Variants in KCNQ5 observed in about 807,000 individuals in gnomAD.
KCNQ5 encodes the protein potassium voltage-gated channel subfamily Q member 5.
A neutral mutation model predicts 98.2 loss-of-function variants in KCNQ5; 30 were observed. That is an observed-to-expected ratio of 0.31 (90% CI 0.23 to 0.41). The LOEUF is 0.41. KCNQ5 is among the 10% of genes least tolerant of loss of function. The pLI, the probability that KCNQ5 is intolerant of heterozygous loss-of-function variation, is 1.00. For missense variants in KCNQ5, 835 were observed against 1,182.5 expected (o/e 0.71, Z 4.31); for synonymous variants, 458 against 449.4 (o/e 1.02, Z -0.24).
At chr6:72,994,016 T>G (rs1345527974) in intron 1 of KCNQ5, among the ~76,000 whole-genome samples, 1 of 62,972 alleles carries the variant, frequency 1.6e-5, no homozygotes, top group Admixed American at 1.9e-4. Flanking sequence ...AGTCTGCCCG[T>G]TCTCAGATCT....
At chr6:73,058,266 G>C (rs1400017388) in intron 3 of KCNQ5, among the ~76,000 whole-genome samples, 2 of 152,106 alleles carry the variant, frequency 1.3e-5, no homozygotes, top group African/African-American at 2.4e-5. Context: ...CAAAAAATTA[G>C]CTGGGCGAGG....
At chr6:72,891,358 A>C (rs1336406688) in intron 1 of KCNQ5, among the ~76,000 whole-genome samples, 1 of 152,232 alleles carries the variant, frequency 6.6e-6, no homozygotes, top group African/African-American at 2.4e-5. Context: ...TGGTTGGATG[A>C]ACATACTCAA....
chr6:72,684,591 T>A (rs73535770), intron 1 of KCNQ5, among the ~76,000 whole-genome samples: 8,047 of 152,238 alleles, frequency 0.053, 235 homozygotes, highest in Middle Eastern at 0.13. Context: ...CCAAAATAGG[T>A]ACAATGGTCT....
At chr6:72,911,289 G>A (rs956614369) in intron 1 of KCNQ5, among the ~76,000 whole-genome samples, 1 of 152,114 alleles carries the variant, frequency 6.6e-6, no homozygotes, top group African/African-American at 2.4e-5. Context: ...AGCCATTAGG[G>A]TGGAGCCCTG....
intron 1 of KCNQ5, among the ~76,000 whole-genome samples, chr6:72,813,196 A>G (rs1183562549): frequency 1.3e-5 from 2 of 152,192 alleles, no homozygotes; most frequent in Admixed American, 1.3e-4. Context: ...GAACAGTGAG[A>G]AATATATATT....
intron 1 of KCNQ5, among the ~76,000 whole-genome samples, chr6:72,699,111 G>C (rs1768667145): frequency 6.6e-6 from 1 of 152,112 alleles, no homozygotes; most frequent in Admixed American, 6.5e-5. Flanking sequence ...TTATAGATAA[G>C]GATGGCACTT....
At chr6:72,871,863 A>T (rs1778220698) in intron 1 of KCNQ5, among the ~76,000 whole-genome samples, 1 of 152,188 alleles carries the variant, frequency 6.6e-6, no homozygotes, top group Non-Finnish European at 1.5e-5. Context: ...ATTCATCTGT[A>T]ACCTCATATT....
At chr6:72,996,912 G>A (rs1309613020) in intron 1 of KCNQ5, among the ~76,000 whole-genome samples, 1 of 152,152 alleles carries the variant, frequency 6.6e-6, no homozygotes, top group Non-Finnish European at 1.5e-5. Context: ...AAGACCAACA[G>A]GGAAGTCATG....
intron 1 of KCNQ5, among the ~76,000 whole-genome samples, chr6:72,820,747 T>C (rs1775714889): frequency 1.3e-5 from 2 of 152,166 alleles, no homozygotes; most frequent in South Asian, 4.1e-4. Context: ...TAATGAAATG[T>C]ATCATTTCCC....
intron 2 of KCNQ5, among the ~76,000 whole-genome samples, chr6:73,021,966 C>A (rs1003569845): frequency 6.6e-6 from 1 of 151,894 alleles, no homozygotes; most frequent in African/African-American, 2.4e-5. Flanking sequence ...GCTAATCAAT[C>A]ATTTATGTTA....
intron 1 of KCNQ5, among the ~76,000 whole-genome samples, chr6:72,988,357 A>G (rs1418246089): frequency 2.0e-5 from 3 of 152,226 alleles, no homozygotes; most frequent in Non-Finnish European, 4.4e-5. Context: ...CTTTGTCCCA[A>G]CATGGATGAA....
At chr6:72,868,860 G>A (rs1038238848) in intron 1 of KCNQ5, among the ~76,000 whole-genome samples, 1 of 152,200 alleles carries the variant, frequency 6.6e-6, no homozygotes. Flanking sequence ...AGGGACTGGG[G>A]ATAAAGTGGG....
chr6:72,963,175 A>AT lies in KCNQ5; in HGVS notation c.399-40732dup, dbSNP rs145287733. Among the ~76,000 whole-genome samples the AT allele has an allele frequency of 4.0e-3, 606 of 152,352 alleles. 5 individuals are homozygous for AT. Among genetic ancestry groups the AT allele is most frequent in the African/African-American group, 0.014 (569 of 41,594 alleles). ...GAGTGAGTTTCCTTTGAAGGCAGTGATAAGAGTTTAAACTTCAGGTCTAAA... is the reference window on the plus strand; with the variant it reads ...GAGTGAGTTTCCTTTGAAGGCAGTGATTAAGAGTTTAAACTTCAGGTCTAAA... On this transcript the variant is annotated intron_variant, in intron 1 of 13. Transcript: ENST00000370398.
intron 10 of KCNQ5, among the ~76,000 whole-genome samples, chr6:73,152,038 CTG>C (rs1375885998): frequency 6.6e-6 from 1 of 152,166 alleles, no homozygotes; most frequent in East Asian, 1.9e-4. Flanking sequence ...TTGCGTCTCT[CTG>C]TGTCACCCTG....
Position 73,055,134 on chromosome 6 carries a change from AGAGT to A in KCNQ5, c.616+13078_616+13081del. On this transcript the variant is annotated intron_variant, in intron 3 of 13. Coordinates refer to ENST00000370398, the MANE Select transcript of KCNQ5 (RefSeq NM_019842.4). ...AAACTGGTGCAGATCCAGCACAGCG[AGAGT>A]GAGTGGAACCTGGAGAACCACTTCA... 5.2e-6 allele frequency: 4 copies of A among 766,856 alleles called. No individual in the cohort carries two copies. The South Asian group carries it at 5.4e-5, about 10-fold the overall frequency. 47.5% of individuals were successfully genotyped at this position (766,856 alleles called of 1,614,324 possible). A position where few individuals can be genotyped will look rare whatever the true frequency, so the allele number is the denominator to read the frequency against.
At chr6:73,173,841 C>T (rs1290960634) in intron 11 of KCNQ5, among the ~76,000 whole-genome samples, 4 of 151,410 alleles carry the variant, frequency 2.6e-5, no homozygotes, top group African/African-American at 9.7e-5. Context: ...AAGTCATATA[C>T]AACTGCATAT....
intron 1 of KCNQ5, among the ~76,000 whole-genome samples, chr6:72,950,415 A>G (rs1766743338): frequency 6.6e-6 from 1 of 152,272 alleles, no homozygotes; most frequent in South Asian, 2.1e-4. Context: ...CTTCACAAAT[A>G]GAAAATGAAA....
At position 73,157,499 on chromosome 6, in the gene KCNQ5, G is replaced by T. The variant is rs1159249609; in HGVS notation, c.1469-12247G>T. 7.1e-6 allele frequency: 5 copies of T among 708,010 alleles called. No individual in the cohort carries two copies. The South Asian group carries it at 7.4e-5, about 11-fold the overall frequency. The allele number at this position is 708,010 out of a possible 1,614,324, so 43.9% of individuals were successfully genotyped here. A position where few individuals can be genotyped will look rare whatever the true frequency, so the allele number is the denominator to read the frequency against. ...CACAGATTCCCAGAACCAACTCCCC[G>T]GTGACCAGACTGAAGAACTAACAGA... On this transcript the variant is annotated intron_variant, in intron 10 of 13. Coordinates refer to ENST00000370398, the MANE Select transcript of KCNQ5 (RefSeq NM_019842.4).
intron 1 of KCNQ5, among the ~76,000 whole-genome samples, chr6:72,874,285 A>G (rs1306530239): frequency 1.3e-5 from 2 of 152,136 alleles, no homozygotes; most frequent in Non-Finnish European, 2.9e-5. Context: ...ATGGTTATGT[A>G]TAATTTCTTA....
Sources: gnomAD v4.1 joint callset for allele counts (sites outside exome capture counted in the v4.1 genomes callset) on GRCh38, gnomAD v4.1.1 for gene constraint, MANE v1.5 for transcripts, NCBI Gene and HGNC (gene_info 2026-07-23, HGNC 2026-07-21) for gene names.